Variants in NR5A2 observed in about 807,000 individuals in gnomAD.
NR5A2 encodes nuclear receptor subfamily 5 group A member 2.
Under a neutral mutation model 62.7 loss-of-function variants are expected in NR5A2, and 26 were observed. The observed-to-expected ratio is 0.41, with a 90% CI of 0.30 to 0.58. NR5A2 has a LOEUF of 0.58. Ranked by LOEUF, NR5A2 falls within the 20% of genes least tolerant of loss-of-function variation. The pLI is 0.22. For missense variants in NR5A2, 541 were observed against 669.1 expected (o/e 0.81, Z 2.11); for synonymous variants, 246 against 241.7 (o/e 1.02, Z -0.16).
chr1:200,169,580 A>AGAAGACC (rs1654076932), intron 7 of NR5A2, among the ~76,000 whole-genome samples: 1 of 152,218 alleles, frequency 6.6e-6, no homozygotes, highest in Admixed American at 6.5e-5. Flanking sequence ...TTACTTTCCA[A>AGAAGACC]TAAGGATGGA....
At chr1:200,094,070 G>A (rs759650326) in intron 5 of NR5A2, among the ~76,000 whole-genome samples, 12 of 152,122 alleles carry the variant, frequency 7.9e-5, no homozygotes, top group East Asian at 1.9e-4. Flanking sequence ...TCAGGAGGCC[G>A]AGGCAGGAGA....
intron 1 of NR5A2, chr1:200,029,009 A>G (rs1465065987): frequency 2.3e-6 from 1 of 437,866 alleles, no homozygotes; most frequent in Admixed American, 2.4e-5. Flanking sequence ...AGCAGGGTGT[A>G]ACACACAATC....
chr1:200,144,681 G>A (rs1028612081), intron 7 of NR5A2, among the ~76,000 whole-genome samples: 2 of 152,278 alleles, frequency 1.3e-5, no homozygotes, highest in East Asian at 3.9e-4. Context: ...TACTGAAGAT[G>A]TTAACTGTTT....
At chr1:200,102,524 C>T (rs1665426969) in intron 5 of NR5A2, among the ~76,000 whole-genome samples, 2 of 152,162 alleles carry the variant, frequency 1.3e-5, no homozygotes, top group African/African-American at 4.8e-5. Flanking sequence ...CACTTTACAC[C>T]TAAACATGTG....
intron 5 of NR5A2, among the ~76,000 whole-genome samples, chr1:200,086,738 GT>G (rs1214006579): frequency 6.6e-6 from 1 of 152,106 alleles, no homozygotes; most frequent in Non-Finnish European, 1.5e-5. Context: ...ATCCTGACCT[GT>G]GCTAAAATTG....
At chr1:200,094,523 A>G (rs1343693463) in intron 5 of NR5A2, among the ~76,000 whole-genome samples, 3 of 70,236 alleles carry the variant, frequency 4.3e-5, no homozygotes, top group Non-Finnish European at 7.7e-5. Context: ...ATTAAATGCC[A>G]CTTTTTTTTT....
intron 5 of NR5A2, among the ~76,000 whole-genome samples, chr1:200,090,683 G>C (rs1664772002): frequency 6.6e-6 from 1 of 152,144 alleles, no homozygotes; most frequent in African/African-American, 2.4e-5. Context: ...ACATCCAGGG[G>C]AACAAAAACC....
intron 5 of NR5A2, among the ~76,000 whole-genome samples, chr1:200,080,274 T>G (rs1035170724): frequency 1.3e-5 from 2 of 152,166 alleles, no homozygotes; most frequent in Non-Finnish European, 2.9e-5. Flanking sequence ...ATTAACCTTG[T>G]GTGGCCTCTC....
chr1:200,077,725 AAAAC>A (rs1043698899), intron 5 of NR5A2, among the ~76,000 whole-genome samples: 3 of 113,118 alleles, frequency 2.7e-5, no homozygotes, highest in Non-Finnish European at 5.6e-5. Flanking sequence ...AACAGAAACA[AAAAC>A]AAACAAACTG....
chr1:200,074,736 C>CAAAAAAAAAAAAAAAAAAAAAAAAA (rs199556915), intron 5 of NR5A2, among the ~76,000 whole-genome samples: 38 of 67,536 alleles, frequency 5.6e-4, no homozygotes, highest in Non-Finnish European at 6.7e-4. Flanking sequence ...GAGTCCATCT[C>CAAAAAAAAAAAAAAAAAAAAAAAAA]AAAAAAAAAA....
chr1:200,114,353 T>C (rs1377601873), intron 6 of NR5A2, among the ~76,000 whole-genome samples: 1 of 152,106 alleles, frequency 6.6e-6, no homozygotes, highest in Non-Finnish European at 1.5e-5. Flanking sequence ...AAAAAAGAAC[T>C]GCTTCCTGTT....
At chr1:200,160,722 C>T (rs185174420) in intron 7 of NR5A2, among the ~76,000 whole-genome samples, 1 of 151,140 alleles carries the variant, frequency 6.6e-6, no homozygotes, top group East Asian at 1.9e-4. Flanking sequence ...GAATTTATCC[C>T]GAGGCAAACC....
chr1:200,083,498 T>C (rs1664384667), intron 5 of NR5A2, among the ~76,000 whole-genome samples: 1 of 152,332 alleles, frequency 6.6e-6, no homozygotes, highest in East Asian at 1.9e-4. Flanking sequence ...TTTTTATGCA[T>C]TTTATGGATT....
At chr1:200,119,846 C>T (rs144421206) in intron 6 of NR5A2, among the ~76,000 whole-genome samples, 2,111 of 152,066 alleles carry the variant, frequency 0.014, 51 homozygotes, top group African/African-American at 0.047. Context: ...TGGCCTCAAG[C>T]GATCCGCCCA....
chr1:200,078,600 C>T (rs1571434538), intron 5 of NR5A2, among the ~76,000 whole-genome samples: 1 of 98,782 alleles, frequency 1.0e-5, no homozygotes, highest in East Asian at 3.7e-4. Flanking sequence ...TATTAATTTT[C>T]TTCCAATATA....
intron 5 of NR5A2, among the ~76,000 whole-genome samples, chr1:200,091,684 C>T (rs1451266569): frequency 1.3e-5 from 2 of 151,982 alleles, no homozygotes; most frequent in Non-Finnish European, 2.9e-5. Context: ...CGGGTTTCAC[C>T]ATGTTGGTGA....
chr1:200,036,438 G>C (rs1661783090), intron 1 of NR5A2, among the ~76,000 whole-genome samples: 1 of 152,162 alleles, frequency 6.6e-6, no homozygotes, highest in Non-Finnish European at 1.5e-5. Flanking sequence ...GAGGGAGGAG[G>C]GAGTTCTGAG....
chr1:200,138,670 A>T (rs566257619), intron 7 of NR5A2, among the ~76,000 whole-genome samples: 136 of 152,144 alleles, frequency 8.9e-4, no homozygotes, highest in African/African-American at 2.9e-3. Flanking sequence ...TGCTTACTGA[A>T]TCGCTTGTCT....
intron 7 of NR5A2, among the ~76,000 whole-genome samples, chr1:200,143,786 C>T (rs112132484): frequency 0.022 from 3,394 of 151,908 alleles, 119 homozygotes; most frequent in African/African-American, 0.071. Flanking sequence ...GGATTACAGG[C>T]GCGCGCCACC....
Sources: gnomAD v4.1 joint callset for allele counts (sites outside exome capture counted in the v4.1 genomes callset) on GRCh38, gnomAD v4.1.1 for gene constraint, MANE v1.5 for transcripts, NCBI Gene and HGNC (gene_info 2026-07-23, HGNC 2026-07-21) for gene names.